The following ZC3H12B variants were observed in gnomAD, a reference collection of about 807,000 sequenced individuals.
ZC3H12B encodes probable ribonuclease ZC3H12B.
A neutral mutation model predicts 43.9 loss-of-function variants in ZC3H12B; 7 were observed. The ratio of observed to expected loss-of-function variants is 0.16; its 90% confidence interval spans 0.09 to 0.30. The LOEUF (loss-of-function observed/expected upper bound fraction) is 0.30, where lower values mean the gene tolerates loss of function less well. Ranked by LOEUF, ZC3H12B falls within the 10% of genes least tolerant of loss-of-function variation. The pLI is 1.00. For synonymous variants in ZC3H12B, 222 were observed against 241.7 expected (o/e 0.92, Z 0.76); for missense variants, 475 against 670.2 (o/e 0.71, Z 3.22).
exon 5 of ZC3H12B, chrX:65,501,954 C>T: frequency 8.3e-7 from 1 of 1,210,905 alleles, no homozygotes; most frequent in Non-Finnish European, 1.1e-6. Context: ...ATGTCTAGTG[C>T]CAAAGGTGAG....
the ZC3H12B span, among the ~76,000 whole-genome samples, chrX:65,070,429 C>T: frequency 9.0e-6 from 1 of 110,545 alleles, no homozygotes; most frequent in East Asian, 2.8e-4. Context: ...GTATCTCAAT[C>T]TCCTTTATTT....
the ZC3H12B span, among the ~76,000 whole-genome samples, chrX:65,245,520 G>A: frequency 8.9e-6 from 1 of 112,085 alleles, no homozygotes; most frequent in African/African-American, 3.2e-5. Context: ...ATTCCTGGAA[G>A]GCAAGGTTGG....
chrX:65,174,280 T>C, the ZC3H12B span, among the ~76,000 whole-genome samples: 1 of 112,197 alleles, frequency 8.9e-6, no homozygotes, highest in African/African-American at 3.3e-5. Flanking sequence ...AGTACTGTGT[T>C]GGAAGAATAC....
the ZC3H12B span, among the ~76,000 whole-genome samples, chrX:65,041,626 T>A: frequency 8.9e-6 from 1 of 112,082 alleles, no homozygotes; most frequent in Non-Finnish European, 1.9e-5. Flanking sequence ...GCATGTAAAT[T>A]CTGTGCACTT....
chrX:65,309,722 A>G, the ZC3H12B span, among the ~76,000 whole-genome samples: 1 of 112,200 alleles, frequency 8.9e-6, no homozygotes, highest in East Asian at 2.8e-4. Context: ...ATCCCTGATG[A>G]ATATTGATGT....
the ZC3H12B span, among the ~76,000 whole-genome samples, chrX:65,355,776 G>T: frequency 9.0e-6 from 1 of 111,113 alleles, no homozygotes; most frequent in East Asian, 2.8e-4. Context: ...CCAACATGGT[G>T]AAACCCTGTC....
At chrX:65,164,188 G>A in the ZC3H12B span, among the ~76,000 whole-genome samples, 6 of 111,321 alleles carry the variant, frequency 5.4e-5, no homozygotes, top group Admixed American at 2.9e-4. Flanking sequence ...GGACATTTTG[G>A]TGGCCAGGGA....
chrX:65,258,394 A>G, the ZC3H12B span, among the ~76,000 whole-genome samples: 3 of 112,028 alleles, frequency 2.7e-5, no homozygotes, highest in East Asian at 8.4e-4. Context: ...CCCTCAACAA[A>G]GTAGACATTA....
chrX:65,353,951 G>A, the ZC3H12B span, among the ~76,000 whole-genome samples: 1 of 111,888 alleles, frequency 8.9e-6, no homozygotes, highest in Non-Finnish European at 1.9e-5. Flanking sequence ...AGGAAGAATG[G>A]CAGCAGCCCC....
At chrX:65,074,167 A>T in the ZC3H12B span, among the ~76,000 whole-genome samples, 1 of 111,691 alleles carries the variant, frequency 9.0e-6, no homozygotes, top group South Asian at 3.7e-4. Context: ...CATAAGGTGC[A>T]TCTAGTTGTG....
intron 3 of ZC3H12B, among the ~76,000 whole-genome samples, chrX:65,460,688 C>T (rs1337902367): frequency 1.8e-5 from 2 of 111,833 alleles, no homozygotes; most frequent in Non-Finnish European, 3.8e-5. Context: ...CCCTTCCTTA[C>T]ACCTTATACT....
At chrX:65,098,340 T>A in the ZC3H12B span, among the ~76,000 whole-genome samples, 2 of 110,314 alleles carry the variant, frequency 1.8e-5, no homozygotes, top group South Asian at 3.9e-4. Flanking sequence ...CAAAGTAATT[T>A]GAACACAGAA....
At chrX:65,240,072 A>G in the ZC3H12B span, among the ~76,000 whole-genome samples, 2 of 110,356 alleles carry the variant, frequency 1.8e-5, no homozygotes, top group Non-Finnish European at 3.8e-5. Flanking sequence ...TTTCTTGTGG[A>G]GTTTCTGACT....
At chrX:65,091,232 A>T in the ZC3H12B span, among the ~76,000 whole-genome samples, 1 of 112,218 alleles carries the variant, frequency 8.9e-6, no homozygotes, top group South Asian at 3.7e-4. Context: ...CTAAAACAAG[A>T]TATGATACTG....
At chrX:65,246,763 G>A in the ZC3H12B span, among the ~76,000 whole-genome samples, 1 of 112,198 alleles carries the variant, frequency 8.9e-6, no homozygotes, top group South Asian at 3.7e-4. Context: ...ACTTAAGATG[G>A]ATTGAAGACA....
the ZC3H12B span, among the ~76,000 whole-genome samples, chrX:65,146,593 G>A: frequency 1.8e-5 from 2 of 111,744 alleles, no homozygotes; most frequent in Non-Finnish European, 3.8e-5. Context: ...GGTAGTCTCT[G>A]TCAGAGGGAA....
At chrX:65,125,456 T>C in the ZC3H12B span, among the ~76,000 whole-genome samples, 3 of 111,416 alleles carry the variant, frequency 2.7e-5, no homozygotes, top group African/African-American at 9.8e-5. Context: ...AGAATGTATA[T>C]TTGGGTAGAA....
chrX:65,185,180 A>G, the ZC3H12B span: 13 of 111,591 alleles, frequency 1.2e-4, no homozygotes, highest in African/African-American at 4.2e-4. Flanking sequence ...GCAACAATGG[A>G]TATGGACGGT....
the ZC3H12B span, among the ~76,000 whole-genome samples, chrX:65,201,782 C>G: frequency 1.9e-5 from 2 of 107,708 alleles, no homozygotes; most frequent in Admixed American, 1.0e-4. Context: ...TTCCCATAAT[C>G]TCCACATGTT....
Sources: allele counts gnomAD v4.1 joint callset (sites outside exome capture counted in the v4.1 genomes callset), GRCh38; gene constraint gnomAD v4.1.1; transcripts MANE v1.5; gene names NCBI Gene and HGNC (gene_info 2026-07-23, HGNC 2026-07-21).